The following KMT2D variants were observed in gnomAD, a reference collection of about 807,000 sequenced individuals.
KMT2D encodes histone-lysine N-methyltransferase 2D.
In KMT2D, 55 loss-of-function variants were observed where a neutral mutation model predicts 512.7. That is an observed-to-expected ratio of 0.11 (90% CI 0.09 to 0.13). The LOEUF is 0.13. KMT2D is among the 10% of genes least tolerant of loss of function. The pLI, the probability that KMT2D is intolerant of heterozygous loss-of-function variation, is 1.00. For missense variants in KMT2D, 6,061 were observed against 7,127.9 expected (o/e 0.85, Z 5.39); for synonymous variants, 2,995 against 2,904.0 (o/e 1.03, Z -1.01).
At position 49,024,486 on chromosome 12, in the gene KMT2D, T is replaced by A; in HGVS notation, c.16052+92A>T. On this transcript the variant is annotated intron_variant, in intron 51 of 54. Transcript: ENST00000301067. This position sits in a 1 kb window ranked among gnomAD's most constrained non-coding sequence, Gnocchi z 4.5. Reference sequence around the variant, plus strand: ...GATTCCCCATTTTCTCCACGGGAACTCTGATCTGTATCCTAAATCCTCATA... The same window carrying A: ...GATTCCCCATTTTCTCCACGGGAACACTGATCTGTATCCTAAATCCTCATA... 15 of 1,485,810 alleles carry A rather than the reference T, an allele frequency of 1.0e-5. No individual in the cohort carries two copies. Among genetic ancestry groups the A allele is most frequent in the Non-Finnish European group, 1.4e-5 (15 of 1,106,710 alleles). The allele number at this position is 1,485,810 out of a possible 1,614,324, so 92.0% of individuals were successfully genotyped here. A position where few individuals can be genotyped will look rare whatever the true frequency, so the allele number is the denominator to read the frequency against.
chr12:49,046,209 C>A lies in KMT2D; in HGVS notation c.4584-35G>T, dbSNP rs942431095. 6.2e-7 allele frequency: 1 copy of A among 1,612,950 alleles called. No homozygotes were observed. Among genetic ancestry groups the A allele is most frequent in the African/African-American group, 1.3e-5 (1 of 75,018 alleles). ...AGAGACTGGAGGAAATAAGCTCAGG[C>A]AATGCGAGGCTGGCAACAGGGCCAA... On this transcript the variant is annotated intron_variant, in intron 17 of 54. Transcript: ENST00000301067. The surrounding 1 kb of genome is among the most constrained non-coding windows in gnomAD (Gnocchi z 4.2).
In KMT2D at chr12:49,019,135, A is replaced by G. The variant is rs185652670; in HGVS notation, c.*2645T>C. 145 of 1,140,188 alleles carry G rather than the reference A, an allele frequency of 1.3e-4. 1 individual carries two copies. In the East Asian group the frequency reaches 5.9e-3, roughly 46 times the overall value. 70.6% of individuals were successfully genotyped at this position (1,140,188 alleles called of 1,614,324 possible). A position where few individuals can be genotyped will look rare whatever the true frequency, so the allele number is the denominator to read the frequency against. On this transcript the variant is annotated 3_prime_UTR_variant, in exon 55 of 55. Coordinates refer to ENST00000301067, the MANE Select transcript of KMT2D (RefSeq NM_003482.4). ...GGACAGGGGCGCTGAGGGTGGAGGG[A>G]GAGAGGGCGCTTTAAAAAAGGGAAC...
intron 41 of KMT2D, 26 bp from the exon 42 acceptor site, chr12:49,030,794 C>A (rs1253854126): frequency 4.3e-6 from 7 of 1,613,162 alleles, no homozygotes; most frequent in South Asian, 1.1e-5. Context: ...TGACAAAGTT[C>A]AAAACCTGCA....
At chr12:49,025,040 C>G (rs2137712633) in intron 49 of KMT2D, 94 bp from the exon 50 acceptor site, 1 of 1,372,058 alleles carries the variant, frequency 7.3e-7, no homozygotes, top group Non-Finnish European at 1.0e-6. Context: ...TTTTCTGAGG[C>G]CTTCAAGCCT....
At chr12:49,053,104 G>C (rs377354964) in intron 8 of KMT2D, 32 bp from the exon 9 acceptor site, 3 of 1,613,738 alleles carry the variant, frequency 1.9e-6, no homozygotes, top group Non-Finnish European at 2.5e-6. Context: ...AACAGGCATT[G>C]GTCAGACAGC....
rs529101042 is a variant in KMT2D at position 49,049,089 on chromosome 12, G to A, written c.4020+16C>T. On this transcript the variant is annotated intron_variant, in intron 13 of 54. Transcript: ENST00000301067. ...GCATGGTTGGGGGATGGGAGGAATAGGAGGCATCTCCTTACTACCAGAGTC... is the reference window on the plus strand; with the variant it reads ...GCATGGTTGGGGGATGGGAGGAATAAGAGGCATCTCCTTACTACCAGAGTC... 1.4e-4 allele frequency: 204 copies of A among 1,500,092 alleles called. 2 individuals carry two copies. In the East Asian group the frequency reaches 2.6e-3, roughly 19 times the overall value. 92.9% of individuals were successfully genotyped at this position (1,500,092 alleles called of 1,614,324 possible).
Position 49,049,904 on chromosome 12 carries a change from G to A in KMT2D, c.3684C>T (p.Gly1228=), listed in dbSNP as rs1937833522. 17 of 1,613,954 alleles carry A rather than the reference G, an allele frequency of 1.1e-5. No homozygotes were observed. In the East Asian group the frequency reaches 3.6e-4, roughly 34 times the overall value. The change falls in exon 12 of 55, where the codon GGC becomes GGT. Residue 1228 remains glycine, a synonymous_variant. Coordinates refer to ENST00000301067, the MANE Select transcript of KMT2D (RefSeq NM_003482.4). ...AGCCACCCCCCTCCGGGTCTGGAGA[G>A]CCCAGGAGGGGCTCTGAGCCAGGAA... ...ASFPGSEPLL[G]SPDPEGGGSL...
chr12:49,022,528 T>A lies in KMT2D; in HGVS notation c.16338+62A>T, dbSNP rs1408651749. 6.4e-7 allele frequency: 1 copy of A among 1,574,030 alleles called. No homozygotes were observed. The highest frequency in any genetic ancestry group is 1.3e-5 in the African/African-American group (1 of 74,302). On this transcript the variant is annotated intron_variant, in intron 52 of 54. Coordinates refer to ENST00000301067, the MANE Select transcript of KMT2D (RefSeq NM_003482.4). The surrounding 1 kb of genome is among the most constrained non-coding windows in gnomAD (Gnocchi z 8.6). ...CCTCCTGCTCTCCTGTGACCAATCC[T>A]GCCCTTGCTCCTTGGTTGAGTGCAG...
intron 12 of KMT2D, 74 bp from the exon 13 acceptor site, chr12:49,049,292 G>A (rs571146667): frequency 5.9e-5 from 57 of 958,806 alleles, no homozygotes; most frequent in Middle Eastern, 2.4e-4. Flanking sequence ...TTGAACAGAA[G>A]AAGTGACAAA....
intron 24 of KMT2D, 57 bp downstream of exon 24, chr12:49,043,578 C>T (rs2120570371): frequency 6.2e-7 from 1 of 1,607,398 alleles, no homozygotes; most frequent in East Asian, 2.2e-5. Context: ...AACTTGCCAG[C>T]TCCTAAGCCA....
In KMT2D at chr12:49,032,683, G is replaced by A; in HGVS notation, c.12022C>T (p.His4008Tyr). ...GPGMPAKPLQ[H>Y]FSSPGALGPT... The stretch of plus-strand genomic sequence containing the variant: ...CCCAGGGCTCCAGGGCTAGAAAAGT[G>A]TTGAAGAGGCTTTGCTGGCATGCCA... The change falls in exon 40 of 55, where the codon CAC becomes TAC. Residue 4008 changes from histidine (H) to tyrosine (Y), a missense_variant. Transcript: ENST00000301067. 6.2e-7 allele frequency: 1 copy of A among 1,613,720 alleles called. No individual in the cohort carries two copies. Among genetic ancestry groups the A allele is most frequent in the Non-Finnish European group, 8.5e-7 (1 of 1,179,790 alleles).
Position 49,037,925 on chromosome 12 carries a change from G to A in KMT2D, c.9431C>T (p.Ala3144Val), listed in dbSNP as rs558965718. 17 of 1,604,722 alleles carry A rather than the reference G, an allele frequency of 1.1e-5. No homozygotes were observed. Among genetic ancestry groups the A allele is most frequent in the Middle Eastern group, 1.6e-4 (1 of 6,082 alleles). ...CAGGCCAAGGGAATTGGCAGCAGGT[G>A]CGGGCTCTACCTTGGGGGTAGCAAT... The part of the protein sequence containing the change: ...FTIATPKVEP[A>V]PAANSLGLGL... The change falls in exon 35 of 55, where the codon GCA (alanine) becomes GTA (valine). Residue 3144 changes from alanine to valine, a missense_variant. Coordinates refer to ENST00000301067, the MANE Select transcript of KMT2D (RefSeq NM_003482.4).
chr12:49,041,639 G>C lies in KMT2D; in HGVS notation c.6234+16C>G. 1 of 1,613,438 alleles carries C rather than the reference G, an allele frequency of 6.2e-7. No homozygotes were observed. Among genetic ancestry groups the C allele is most frequent in the African/African-American group, 1.3e-5 (1 of 75,020 alleles). On this transcript the variant is annotated intron_variant, in intron 31 of 54. Coordinates refer to ENST00000301067, the MANE Select transcript of KMT2D (RefSeq NM_003482.4). This position sits in a 1 kb window ranked among gnomAD's most constrained non-coding sequence, Gnocchi z 5.4. The stretch of plus-strand genomic sequence containing the variant: ...CCCACTAGAGGACTGCTACACCCCA[G>C]CCCAGCCCCACTCACCTTCTGCACC...
At position 49,050,509 on chromosome 12, in the gene KMT2D, G is replaced by C; in HGVS notation, c.3079C>G (p.Leu1027Val). Residue 1027 changes from leucine to valine, a missense_variant, in exon 12 of 55, where the codon CTC becomes GTC. Coordinates refer to ENST00000301067, the MANE Select transcript of KMT2D (RefSeq NM_003482.4). ...MEPLPPQCSP[L>V]LQHSLVPQNS... ...TGGGGAACCAGGGAATGCTGAAGGA[G>C]TGGCGAACACTGAGGAGGAAGGGGC... The C allele has an allele frequency of 6.2e-7, 1 of 1,612,374 alleles. No individual in the cohort carries two copies. Among genetic ancestry groups the C allele is most frequent in the South Asian group, 1.1e-5 (1 of 91,022 alleles).
intron 9 of KMT2D, 93 bp from the exon 10 acceptor site, chr12:49,052,802 G>C: frequency 6.4e-7 from 1 of 1,574,716 alleles, no homozygotes; most frequent in East Asian, 2.2e-5. Context: ...GCTGTGGATG[G>C]CACTGCCCAC....
chr12:49,052,875 C>T (rs938447534), intron 9 of KMT2D, 40 bp downstream of exon 9: 1 of 1,609,958 alleles, frequency 6.2e-7, no homozygotes, highest in Non-Finnish European at 8.5e-7. Flanking sequence ...TCAGTTCTTC[C>T]AACCTGCCAG....
rs2120680749 is a variant in KMT2D at position 49,052,065 on chromosome 12, G to C, written c.1618C>G (p.Pro540Ala). ...PALETPLSPP[P>A]EASPLSPPFE... is the part of the protein sequence containing the mutation. ...GGTGGGGACAGGGGCGATGCTTCAG[G>C]TGGTGGGGATAGAGGCGTCTCAAGT... Residue 540 changes from proline (P) to alanine (A), a missense_variant, in exon 11 of 55, where the codon CCT becomes GCT. By Grantham distance (27) the Pro-to-Ala change is conservative. Coordinates refer to ENST00000301067, the MANE Select transcript of KMT2D (RefSeq NM_003482.4). The C allele has an allele frequency of 6.2e-7, 1 of 1,613,526 alleles. No homozygotes were observed. The highest frequency in any genetic ancestry group is 8.5e-7 in the Non-Finnish European group (1 of 1,179,718).
In KMT2D at chr12:49,031,547, G is replaced by A. The variant is rs886092945; in HGVS notation, c.13158C>T (p.Thr4386=). ...PWDPPDNLAE[T]QKPEQSSLVP... Reference sequence around the variant, plus strand: ...CCAGGCTGCTCTGCTCTGGCTTCTGGGTTTCTGCTAGGTTGTCTGGGGGAT... The same window carrying A: ...CCAGGCTGCTCTGCTCTGGCTTCTGAGTTTCTGCTAGGTTGTCTGGGGGAT... Residue 4386 remains threonine (T), a synonymous_variant, in exon 40 of 55, where the codon ACC becomes ACT. Coordinates refer to ENST00000301067, the MANE Select transcript of KMT2D (RefSeq NM_003482.4). 1 of 1,604,668 alleles carries A rather than the reference G, an allele frequency of 6.2e-7. No individual in the cohort carries two copies. Among genetic ancestry groups the A allele is most frequent in the Non-Finnish European group, 8.5e-7 (1 of 1,175,578 alleles).
Position 49,019,561 on chromosome 12 carries a change from C to A in KMT2D, c.*2219G>T, listed in dbSNP as rs1014100204. The A allele has an allele frequency of 4.4e-6, 1 of 227,978 alleles. No homozygotes were observed. Among genetic ancestry groups the A allele is most frequent in the African/African-American group, 2.2e-5 (1 of 44,978 alleles). 14.1% of individuals were successfully genotyped at this position (227,978 alleles called of 1,614,324 possible). On this transcript the variant is annotated 3_prime_UTR_variant, in exon 55 of 55. Coordinates refer to ENST00000301067, the MANE Select transcript of KMT2D (RefSeq NM_003482.4). The stretch of plus-strand genomic sequence containing the variant: ...ATATGCTTACAAAGTCTGCCCCATC[C>A]CCTTTTCCCAATCCCAGGGCCCAAG...
Sources: gnomAD v4.1 joint callset for allele counts on GRCh38, gnomAD v4.1.1 for gene constraint, Gnocchi (gnomAD v3.1) non-coding constraint, MANE v1.5 for transcripts, NCBI Gene and HGNC (gene_info 2026-07-23, HGNC 2026-07-21) for gene names.